The following SLC12A8 variants were observed in gnomAD, a reference collection of about 807,000 sequenced individuals.
SLC12A8 encodes the protein solute carrier family 12 member 8, also known as cation-chloride cotransporter 9.
A neutral mutation model predicts 75.6 loss-of-function variants in SLC12A8; 69 were observed. That is an observed-to-expected ratio of 0.91 (90% CI 0.75 to 1.11). The LOEUF is 1.11. Among genes scored for constraint, SLC12A8 ranks in the 50% most tolerant of loss-of-function variants. SLC12A8 has a pLI of 0.00. For synonymous variants in SLC12A8, 365 were observed against 372.8 expected (o/e 0.98, Z 0.24); for missense variants, 877 against 896.7 (o/e 0.98, Z 0.28).
At chr3:125,196,982 C>T (rs1316504833) in intron 2 of SLC12A8, among the ~76,000 whole-genome samples, 2 of 152,162 alleles carry the variant, frequency 1.3e-5, no homozygotes, top group Admixed American at 1.3e-4. Flanking sequence ...AATGAACATA[C>T]CTAGCACCCA....
At chr3:125,158,240 A>G (rs1383493371) in intron 5 of SLC12A8, among the ~76,000 whole-genome samples, 3 of 149,514 alleles carry the variant, frequency 2.0e-5, no homozygotes, top group Admixed American at 2.0e-4. Flanking sequence ...TTCTTTTTTG[A>G]GACAGAGTCT....
In SLC12A8 at chr3:125,161,208, G is replaced by A. The variant is rs1268838008; in HGVS notation, c.622+16535C>T. On this transcript the variant is annotated intron_variant, in intron 5 of 13. Coordinates refer to ENST00000469902, the MANE Select transcript of SLC12A8 (RefSeq NM_024628.6). ...ATTCTAGACAATTGGCAGGTGCCCA[G>A]TTAATAGATTATTCCACCAGACAGT... Among the ~76,000 whole-genome samples, 3 of 152,326 alleles carry A rather than the reference G, an allele frequency of 2.0e-5. No individual in the cohort carries two copies. In the East Asian group the frequency reaches 5.8e-4, roughly 29 times the overall value.
intron 4 of SLC12A8, among the ~76,000 whole-genome samples, chr3:125,179,998 T>C (rs185148148): frequency 1.2e-4 from 18 of 152,272 alleles, no homozygotes; most frequent in Admixed American, 9.8e-4. Context: ...GATGATGCCA[T>C]GGGACCATCT....
chr3:125,109,405 T>C (rs549732759), intron 9 of SLC12A8, among the ~76,000 whole-genome samples: 1 of 152,338 alleles, frequency 6.6e-6, no homozygotes, highest in African/African-American at 2.4e-5. Flanking sequence ...TCAAACGGAC[T>C]ATGTCCAAAA....
At chr3:125,208,249 T>C (rs985327933) in intron 2 of SLC12A8, among the ~76,000 whole-genome samples, 18 of 152,106 alleles carry the variant, frequency 1.2e-4, no homozygotes, top group Non-Finnish European at 2.2e-4. Flanking sequence ...TCATCCTCAA[T>C]AGACTGCCCA....
intron 2 of SLC12A8, among the ~76,000 whole-genome samples, chr3:125,205,451 C>T (rs1425670703): frequency 6.6e-6 from 1 of 152,084 alleles, no homozygotes; most frequent in Non-Finnish European, 1.5e-5. Flanking sequence ...AAAATGTCCC[C>T]ACTCTATTTT....
At chr3:125,122,699 T>C (rs1314359625) in intron 6 of SLC12A8, among the ~76,000 whole-genome samples, 2 of 152,108 alleles carry the variant, frequency 1.3e-5, no homozygotes, top group African/African-American at 4.8e-5. Flanking sequence ...CTCATCAAGG[T>C]AGGGCCCCAG....
At chr3:125,181,780 C>CT (rs1934668362) in intron 4 of SLC12A8, among the ~76,000 whole-genome samples, 1 of 136,146 alleles carries the variant, frequency 7.3e-6, no homozygotes, top group African/African-American at 2.6e-5. Flanking sequence ...AAAAGCTGAT[C>CT]TTTTAAAAAA....
At position 125,171,953 on chromosome 3, in the gene SLC12A8, TA is replaced by T. The variant is rs1165990475; in HGVS notation, c.622+5789del. Among the ~76,000 whole-genome samples the T allele has an allele frequency of 4.1e-3, 8 of 1,974 alleles. 2 individuals carry two copies. The highest frequency in any genetic ancestry group is 0.024 in the South Asian group (4 of 166). 1.3% of individuals were successfully genotyped at this position (1,974 alleles called of 152,430 possible). A position where few individuals can be genotyped will look rare whatever the true frequency, so the allele number is the denominator to read the frequency against. On this transcript the variant is annotated intron_variant, in intron 5 of 13. Coordinates refer to ENST00000469902, the MANE Select transcript of SLC12A8 (RefSeq NM_024628.6). The stretch of plus-strand genomic sequence containing the variant: ...AAAAAAAAAAAAGAAAATTAAAAAG[TA>T]AAAAAAAAAAAAAAAAGAAAAGAAA...
At position 125,198,930 on chromosome 3, in the gene SLC12A8, A is replaced by G. The variant is rs548931399; in HGVS notation, c.52-8409T>C. 6.7e-3 allele frequency among the ~76,000 whole-genome samples: 1,024 copies of G among 151,840 alleles called. 10 individuals carry two copies. The highest frequency in any genetic ancestry group is 0.021 in the African/African-American group (889 of 41,378). On this transcript the variant is annotated intron_variant, in intron 2 of 13. Transcript: ENST00000469902. Reference sequence around the variant, plus strand: ...GTAGCTGAGACTACAGGCACCCGCCACCACGCCCGGCTAATTTTTTTGAAT... The same window carrying G: ...GTAGCTGAGACTACAGGCACCCGCCGCCACGCCCGGCTAATTTTTTTGAAT...
intron 5 of SLC12A8, among the ~76,000 whole-genome samples, chr3:125,170,523 A>C (rs1354483265): frequency 6.6e-6 from 1 of 152,246 alleles, no homozygotes; most frequent in African/African-American, 2.4e-5. Context: ...AGTGGGGAGT[A>C]GCAAAACAAT....
chr3:125,136,656 G>T (rs183941465), intron 5 of SLC12A8, among the ~76,000 whole-genome samples: 2 of 152,298 alleles, frequency 1.3e-5, no homozygotes, highest in East Asian at 1.9e-4. Flanking sequence ...GACACATCTC[G>T]CTTCCACACT....
chr3:125,119,366 G>A (rs756732056), intron 7 of SLC12A8, among the ~76,000 whole-genome samples: 27 of 152,200 alleles, frequency 1.8e-4, no homozygotes, highest in Middle Eastern at 3.2e-3. Context: ...ATGATCCTTC[G>A]GGCCTCTAAG....
chr3:125,204,699 A>G (rs1935193403), intron 2 of SLC12A8, among the ~76,000 whole-genome samples: 1 of 152,196 alleles, frequency 6.6e-6, no homozygotes, highest in African/African-American at 2.4e-5. Context: ...AACTTATTGT[A>G]TATTTCAAAA....
chr3:125,183,354 C>T (rs1044009210), intron 4 of SLC12A8, among the ~76,000 whole-genome samples: 42 of 152,096 alleles, frequency 2.8e-4, no homozygotes, highest in Admixed American at 2.7e-3. Context: ...AGCCTAATTC[C>T]TTCTCACAAG....
intron 5 of SLC12A8, among the ~76,000 whole-genome samples, chr3:125,164,097 T>C (rs1352757416): frequency 1.3e-5 from 2 of 152,192 alleles, no homozygotes; most frequent in Non-Finnish European, 2.9e-5. Flanking sequence ...CTAACAGTTT[T>C]AACCAGGCAT....
intron 5 of SLC12A8, among the ~76,000 whole-genome samples, chr3:125,165,409 A>G (rs937935338): frequency 2.2e-4 from 33 of 152,354 alleles, no homozygotes; most frequent in African/African-American, 7.7e-4. Flanking sequence ...AGGCTGCCCT[A>G]GCTCACTGGA....
Position 125,107,704 on chromosome 3 carries a change from C to T in SLC12A8, c.1482G>A (p.Lys494=), listed in dbSNP as rs910169206. ...CTTGTAGGGTCTGCTTGGTGGCCTT[C>T]TTGCTTTTCCTCTTCTGACTTTCTG... The part of the protein sequence containing the change: ...RTPESQKRKS[K]KATKQTLQDS... Residue 494 remains lysine, a synonymous_variant, in exon 10 of 14, where the codon AAG becomes AAA. Coordinates refer to ENST00000469902, the MANE Select transcript of SLC12A8 (RefSeq NM_024628.6). The T allele has an allele frequency of 2.0e-5, 33 of 1,614,056 alleles. No individual in the cohort carries two copies. The highest frequency in any genetic ancestry group is 2.7e-5 in the Non-Finnish European group (32 of 1,180,034).
At chr3:125,139,853 A>G (rs1000277004) in intron 5 of SLC12A8, among the ~76,000 whole-genome samples, 1 of 152,140 alleles carries the variant, frequency 6.6e-6, no homozygotes, top group Non-Finnish European at 1.5e-5. Flanking sequence ...CCCCCATTTG[A>G]GAGTCTGATG....
Sources: allele counts gnomAD v4.1 joint callset (sites outside exome capture counted in the v4.1 genomes callset), GRCh38; gene constraint gnomAD v4.1.1; transcripts MANE v1.5; gene names NCBI Gene and HGNC (gene_info 2026-07-23, HGNC 2026-07-21).